The following CACNA2D3 variants were observed in gnomAD, a reference collection of about 807,000 sequenced individuals.
The protein encoded by CACNA2D3 is voltage-dependent calcium channel subunit alpha-2/delta-3.
A neutral mutation model predicts 160.6 loss-of-function variants in CACNA2D3; 60 were observed. The observed-to-expected ratio is 0.37, with a 90% CI of 0.30 to 0.46. The LOEUF (loss-of-function observed/expected upper bound fraction) is 0.46. CACNA2D3 is among the 20% of genes least tolerant of loss of function. The pLI is 1.00. For missense variants in CACNA2D3, 1,205 were observed against 1,365.0 expected, an observed-to-expected ratio of 0.88 and a Z score of 1.85; for synonymous variants, 558 against 492.9, an observed-to-expected ratio of 1.13 and a Z score of -1.75.
rs578142848 is a variant in CACNA2D3 at position 54,147,748 on chromosome 3, G to C, written c.204+24154G>C. Among the ~76,000 whole-genome samples, 52 of 152,354 alleles carry C rather than the reference G, an allele frequency of 3.4e-4. 1 individual carries two copies. The South Asian group carries it at 0.01, about 30-fold the overall frequency. ...TGCTTTTATTGTCCTGCTTGACTCTGAGAGCCAAGGTGGGCTTTTCCAAAG... is the reference window on the plus strand; with the variant it reads ...TGCTTTTATTGTCCTGCTTGACTCTCAGAGCCAAGGTGGGCTTTTCCAAAG... On this transcript the variant is annotated intron_variant, in intron 2 of 37. Coordinates refer to ENST00000474759, the MANE Select transcript of CACNA2D3 (RefSeq NM_018398.3).
chr3:54,465,188 A>T (rs1426391688), intron 4 of CACNA2D3, among the ~76,000 whole-genome samples: 1 of 149,552 alleles, frequency 6.7e-6, no homozygotes, highest in African/African-American at 2.5e-5. Flanking sequence ...CTTCATTTCC[A>T]AGATTTTTTT....
chr3:54,261,999 G>A (rs1298676913), intron 2 of CACNA2D3, among the ~76,000 whole-genome samples: 1 of 152,128 alleles, frequency 6.6e-6, no homozygotes, highest in South Asian at 2.1e-4. Context: ...TGTGTCTCCT[G>A]GGGGCTGTGA....
intron 2 of CACNA2D3, among the ~76,000 whole-genome samples, chr3:54,130,209 G>A (rs1168702253): frequency 6.6e-6 from 1 of 151,674 alleles, no homozygotes; most frequent in Non-Finnish European, 1.5e-5. Flanking sequence ...TCCTCGTTTT[G>A]GCTTTCTCTC....
At chr3:54,662,184 G>C (rs1699986587) in intron 11 of CACNA2D3, among the ~76,000 whole-genome samples, 1 of 152,138 alleles carries the variant, frequency 6.6e-6, no homozygotes, top group Non-Finnish European at 1.5e-5. Flanking sequence ...GTGTGTATGT[G>C]TGTGTGTTTT....
At chr3:54,622,751 A>G (rs930558397) in intron 9 of CACNA2D3, among the ~76,000 whole-genome samples, 33 of 152,210 alleles carry the variant, frequency 2.2e-4, no homozygotes, top group Non-Finnish European at 4.4e-5. Context: ...CAGGGCAGTC[A>G]GCCAGCCCCT....
chr3:54,231,696 T>C (rs1223002300), intron 2 of CACNA2D3, among the ~76,000 whole-genome samples: 1 of 152,240 alleles, frequency 6.6e-6, no homozygotes, highest in East Asian at 1.9e-4. Flanking sequence ...TATTAGGTAA[T>C]TTTATAAAAA....
At chr3:54,643,646 G>A (rs1016851802) in intron 11 of CACNA2D3, among the ~76,000 whole-genome samples, 1 of 152,220 alleles carries the variant, frequency 6.6e-6, no homozygotes, top group African/African-American at 2.4e-5. Context: ...AGTAGTTCAT[G>A]TGGTAACTTC....
rs561764125 is a variant in CACNA2D3 at position 54,721,319 on chromosome 3, A to G, written c.1168-31280A>G. On this transcript the variant is annotated intron_variant, in intron 11 of 37. Coordinates refer to ENST00000474759, the MANE Select transcript of CACNA2D3 (RefSeq NM_018398.3). ...TTTTCCCCCATTTTCTGTGTTATTAATGGGATCATTTTTCATCTGCCTGAA... is the reference window on the plus strand; with the variant it reads ...TTTTCCCCCATTTTCTGTGTTATTAGTGGGATCATTTTTCATCTGCCTGAA... Among the ~76,000 whole-genome samples, 176 of 152,264 alleles carry G rather than the reference A, an allele frequency of 1.2e-3. 1 individual carries two copies. Among genetic ancestry groups the G allele is most frequent in the African/African-American group, 4.1e-3 (169 of 41,566 alleles).
rs1701243171 is a variant in CACNA2D3, at chr3:54,204,798, A to G, written c.204+81204A>G. 5.6e-5 allele frequency among the ~76,000 whole-genome samples: 3 copies of G among 54,018 alleles called. No individual in the cohort carries two copies. In the African/African-American group the frequency reaches 6.4e-4, roughly 12 times the overall value. 35.4% of individuals were successfully genotyped at this position (54,018 alleles called of 152,430 possible). ...GTGACAGAGCAAGATGCTGTCTTGA[A>G]AAAAAAAAAAAAAAAAAAAAAAGAA... On this transcript the variant is annotated intron_variant, in intron 2 of 37. Transcript: ENST00000474759.
chr3:54,567,650 C>T (rs1032872380), intron 6 of CACNA2D3, among the ~76,000 whole-genome samples: 6 of 152,148 alleles, frequency 3.9e-5, no homozygotes, highest in African/African-American at 1.4e-4. Flanking sequence ...ATTCTCCTGC[C>T]TCAACCTGCC....
intron 4 of CACNA2D3, among the ~76,000 whole-genome samples, chr3:54,435,319 G>T (rs181346836): frequency 6.6e-6 from 1 of 152,156 alleles, no homozygotes; most frequent in Non-Finnish European, 1.5e-5. Flanking sequence ...CCGATCCTGC[G>T]TGCCTCTGGT....
chr3:54,172,951 G>C (rs1360954797), intron 2 of CACNA2D3, among the ~76,000 whole-genome samples: 2 of 152,190 alleles, frequency 1.3e-5, no homozygotes. Context: ...CTGAGGGCAG[G>C]ATGGGGTGAC....
chr3:54,936,827 T>C (rs2106971202), intron 27 of CACNA2D3, among the ~76,000 whole-genome samples: 1 of 152,262 alleles, frequency 6.6e-6, no homozygotes, highest in East Asian at 1.9e-4. Flanking sequence ...GTGGAAACAT[T>C]GTGTTCAACA....
At chr3:54,507,769 C>G (rs1205544859) in intron 5 of CACNA2D3, among the ~76,000 whole-genome samples, 1 of 152,198 alleles carries the variant, frequency 6.6e-6, no homozygotes, top group Non-Finnish European at 1.5e-5. Flanking sequence ...TCCAACCTGA[C>G]AAGGACCCAC....
chr3:55,033,370 C>T (rs1224922111), intron 35 of CACNA2D3, among the ~76,000 whole-genome samples: 3 of 151,806 alleles, frequency 2.0e-5, no homozygotes, highest in Admixed American at 2.0e-4. Context: ...ACCCATAATC[C>T]CCTGAGTTCT....
intron 2 of CACNA2D3, among the ~76,000 whole-genome samples, chr3:54,156,894 T>G (rs546298544): frequency 6.6e-6 from 1 of 152,298 alleles, no homozygotes; most frequent in South Asian, 2.1e-4. Context: ...AGAAACCATG[T>G]GAGATGAGAA....
chr3:54,569,853 A>G lies in CACNA2D3; in HGVS notation c.735A>G (p.Lys245=). Residue 245 remains lysine, a splice_region_variant and synonymous_variant, in exon 7 of 38, where the codon AAA becomes AAG. Coordinates refer to ENST00000474759, the MANE Select transcript of CACNA2D3 (RefSeq NM_018398.3). Reference sequence around the variant, plus strand: ...TTGCCTTCGACTGCAGGAACCGAAAATGGTAGGCAGTGGTCAGACCTCTTT... The same window carrying G: ...TTGCCTTCGACTGCAGGAACCGAAAGTGGTAGGCAGTGGTCAGACCTCTTT... ...GVIAFDCRNR[K]WYIQAATSPK... is the part of the protein sequence containing the mutation. The G allele has an allele frequency of 6.2e-7, 1 of 1,610,292 alleles. No individual in the cohort carries two copies. The highest frequency in any genetic ancestry group is 8.5e-7 in the Non-Finnish European group (1 of 1,178,028).
intron 4 of CACNA2D3, among the ~76,000 whole-genome samples, chr3:54,490,246 G>C (rs984641547): frequency 2.0e-5 from 3 of 152,208 alleles, no homozygotes; most frequent in Non-Finnish European, 4.4e-5. Context: ...ATCACAGAAA[G>C]ACCTGAGGAG....
intron 5 of CACNA2D3, among the ~76,000 whole-genome samples, chr3:54,547,963 G>A (rs1251757253): frequency 6.6e-6 from 1 of 152,032 alleles, no homozygotes; most frequent in Non-Finnish European, 1.5e-5. Flanking sequence ...CAAAGCACTC[G>A]GATTACAGGC....
Sources: gnomAD v4.1 joint callset for allele counts (sites outside exome capture counted in the v4.1 genomes callset) on GRCh38, gnomAD v4.1.1 for gene constraint, MANE v1.5 for transcripts, NCBI Gene and HGNC (gene_info 2026-07-23, HGNC 2026-07-21) for gene names.